PLCXD1: variants seen among roughly 807,000 people sequenced by gnomAD.
PLCXD1 encodes PI-PLC X domain-containing protein 1.
PLCXD1 carries 45 observed loss-of-function variants against 37.8 expected under a neutral mutation model. The ratio of observed to expected loss-of-function variants is 1.19; its 90% confidence interval spans 0.94 to 1.53. PLCXD1 has a LOEUF of 1.53. PLCXD1 is among the 40% of genes most tolerant of loss of function. PLCXD1 has a pLI of 0.00. For missense variants in PLCXD1, 539 were observed against 454.7 expected, an observed-to-expected ratio of 1.19 and a Z score of -1.69; for synonymous variants, 246 against 206.9, an observed-to-expected ratio of 1.19 and a Z score of -1.62.
At chrX:284,375 G>A (rs1174590910) in intron 2 of PLCXD1, 61 bp downstream of exon 2, 19 of 1,595,226 alleles carry the variant, frequency 1.2e-5, no homozygotes, top group Admixed American at 1.2e-4. Flanking sequence ...GGGTGGGGCG[G>A]GAGCTGTGGC....
upstream of PLCXD1, among the ~76,000 whole-genome samples, chrX:280,365 TGCAG>T (rs2069239953): frequency 4.8e-5 from 1 of 20,806 alleles, no homozygotes; most frequent in African/African-American, 2.2e-4. Context: ...AGGGGGGCCG[TGCAG>T]GGGGAAGGGA....
rs370174207 is a variant in PLCXD1 at position 291,538 on chromosome X, C to G, written c.433C>G (p.Pro145Ala). ...AATCTCGGAGTGGCTGGAGCGGCAT[C>G]CACGCGAGGTGGTCATCCTGGCCTG... ...TEISEWLERH[P>A]REVVILACRN... The change falls in exon 5 of 7, where the codon CCA becomes GCA. Residue 145 changes from proline to alanine, a missense_variant. Pro to Ala is a conservative substitution (Grantham distance 27). Transcript: ENST00000381657. 5 of 1,612,806 alleles carry G rather than the reference C, an allele frequency of 3.1e-6. No homozygotes were observed. The highest frequency in any genetic ancestry group is 3.4e-6 in the Non-Finnish European group (4 of 1,179,858).
chrX:295,029 G>C (rs905762237), intron 6 of PLCXD1, among the ~76,000 whole-genome samples: 1 of 151,658 alleles, frequency 6.6e-6, no homozygotes, highest in Non-Finnish European at 1.5e-5. Flanking sequence ...ATTTAGCTGG[G>C]CGTGGTTGTG....
intron 3 of PLCXD1, among the ~76,000 whole-genome samples, chrX:290,334 G>A (rs1463008144): frequency 6.6e-6 from 1 of 151,982 alleles, no homozygotes; most frequent in African/African-American, 2.4e-5. Flanking sequence ...GGAGGCTGAG[G>A]CAGGAGAACG....
At chrX:290,510 A>G in intron 3 of PLCXD1, 138 bp from the exon 4 acceptor site, 1 of 880,260 alleles carries the variant, frequency 1.1e-6, no homozygotes, top group Non-Finnish European at 1.8e-6. Flanking sequence ...CTCCCAGCAC[A>G]TACAAACAGC....
chrX:300,598 A>ATATGTGTG lies in PLCXD1; in HGVS notation c.*1268_*1275dup, dbSNP rs895649619. 2.2e-5 allele frequency: 3 copies of ATATGTGTG among 133,954 alleles called. No homozygotes were observed. The South Asian group carries it at 6.7e-4, about 30-fold the overall frequency. 8.3% of individuals were successfully genotyped at this position (133,954 alleles called of 1,614,324 possible). The stretch of plus-strand genomic sequence containing the variant: ...TACATGTATATGTGTTTATACATGT[A>ATATGTGTG]TATGTGTGTATGCGTGTATACGTGT... On this transcript the variant is annotated 3_prime_UTR_variant, in exon 7 of 7. Transcript: ENST00000381657.
At position 288,757 on chromosome X, in the gene PLCXD1, G is replaced by A; in HGVS notation, c.152G>A (p.Cys51Tyr). 6.2e-7 allele frequency: 1 copy of A among 1,613,896 alleles called. No homozygotes were observed. Among genetic ancestry groups the A allele is most frequent in the Non-Finnish European group, 8.5e-7 (1 of 1,179,802 alleles). Residue 51 changes from cysteine to tyrosine, a missense_variant, in exon 3 of 7, where the codon TGC becomes TAC. Transcript: ENST00000381657. ...GGGAGCCACGACACGATGACGTACTGCCTGAACAAGAAGTCCCCCATTTCG... is the reference window on the plus strand; with the variant it reads ...GGGAGCCACGACACGATGACGTACTACCTGAACAAGAAGTCCCCCATTTCG... Reference protein sequence around the residue: ...IPGSHDTMTYCLNKKSPISHE... With the variant: ...IPGSHDTMTYYLNKKSPISHE...
chrX:293,627 T>C (rs762758521), intron 6 of PLCXD1, among the ~76,000 whole-genome samples: 54 of 152,252 alleles, frequency 3.5e-4, no homozygotes, highest in African/African-American at 1.1e-3. Flanking sequence ...AAGCAGTCCA[T>C]GTACATTGGC....
At chrX:285,546 G>T (rs756961537) in intron 2 of PLCXD1, among the ~76,000 whole-genome samples, 60 of 85,340 alleles carry the variant, frequency 7.0e-4, no homozygotes, top group African/African-American at 2.9e-3. Context: ...CATGCACACA[G>T]ACATACACAT....
Position 300,586 on chromosome X carries a change from GTTTATACA to G in PLCXD1, c.*1253_*1260del, listed in dbSNP as rs1181459619. 1 of 148,978 alleles carries G rather than the reference GTTTATACA, an allele frequency of 6.7e-6. No homozygotes were observed. Among genetic ancestry groups the G allele is most frequent in the African/African-American group, 2.5e-5 (1 of 39,400 alleles). The allele number at this position is 148,978 out of a possible 1,614,324, so 9.2% of individuals were successfully genotyped here. On this transcript the variant is annotated 3_prime_UTR_variant, in exon 7 of 7. Coordinates refer to ENST00000381657, the MANE Select transcript of PLCXD1 (RefSeq NM_018390.4). ...TATGTGTATGTGTACATGTATATGT[GTTTATACA>G]TGTATATGTGTGTATGCGTGTATAC...
chrX:286,999 A>ATG (rs1363301026), intron 2 of PLCXD1, among the ~76,000 whole-genome samples: 1 of 151,528 alleles, frequency 6.6e-6, no homozygotes, highest in East Asian at 2.0e-4. Flanking sequence ...TCCTCAGAGG[A>ATG]TGTAAAGGGG....
intron 2 of PLCXD1, among the ~76,000 whole-genome samples, 184 bp from the exon 3 acceptor site, chrX:288,549 G>A (rs1569564481): frequency 1.3e-5 from 2 of 152,160 alleles, no homozygotes; most frequent in Admixed American, 6.5e-5. Flanking sequence ...GTTTCAACAC[G>A]GGTCGTGTTC....
At chrX:293,960 C>T (rs1212605594) in intron 6 of PLCXD1, among the ~76,000 whole-genome samples, 4 of 152,164 alleles carry the variant, frequency 2.6e-5, no homozygotes, top group African/African-American at 9.7e-5. Flanking sequence ...GTCGGAGTTG[C>T]ACAACGTGAA....
At chrX:296,660 T>G (rs2069818143) in intron 6 of PLCXD1, among the ~76,000 whole-genome samples, 1 of 152,214 alleles carries the variant, frequency 6.6e-6, no homozygotes, top group Admixed American at 6.5e-5. Flanking sequence ...CTGGTCAACG[T>G]CAACCCTCTC....
At chrX:276,749 G>T (rs985676530), upstream of PLCXD1, among the ~76,000 whole-genome samples, 1 of 152,166 alleles carries the variant, frequency 6.6e-6, no homozygotes, top group Non-Finnish European at 1.5e-5. Flanking sequence ...CCCTGCCGCC[G>T]GGGCCTGCGT....
rs1399659311 is a variant in PLCXD1, at chrX:292,859, C to T, written c.550-176C>T. On this transcript the variant is annotated intron_variant, in intron 5 of 6. Transcript: ENST00000381657. ...AACTCCTGACCTCAGGTGATCCACC[C>T]ACCTCGGCCTCCCAAAGTGCTGGGA... Among the ~76,000 whole-genome samples, 5 of 152,050 alleles carry T rather than the reference C, an allele frequency of 3.3e-5. No homozygotes were observed. In the South Asian group the frequency reaches 8.3e-4, roughly 25 times the overall value.
chrX:291,905 C>T (rs752445882), intron 5 of PLCXD1, among the ~76,000 whole-genome samples: 10 of 152,154 alleles, frequency 6.6e-5, no homozygotes, highest in Non-Finnish European at 1.3e-4. Flanking sequence ...CGGTGGCTCA[C>T]GCCTGTCATC....
chrX:285,650 CAT>C (rs1371524800), intron 2 of PLCXD1, among the ~76,000 whole-genome samples: 12 of 152,210 alleles, frequency 7.9e-5, no homozygotes, highest in African/African-American at 2.4e-4. Context: ...CGTGTACACA[CAT>C]GCACACACGT....
intron 3 of PLCXD1, among the ~76,000 whole-genome samples, 160 bp downstream of exon 3, chrX:289,029 A>G (rs2069545145): frequency 6.6e-6 from 1 of 152,170 alleles, no homozygotes; most frequent in Admixed American, 6.5e-5. Context: ...GGATTAAAAC[A>G]AAACCTGCTG....
Sources: gnomAD v4.1 joint callset for allele counts (sites outside exome capture counted in the v4.1 genomes callset) on GRCh38, gnomAD v4.1.1 for gene constraint, MANE v1.5 for transcripts, NCBI Gene and HGNC (gene_info 2026-07-23, HGNC 2026-07-21) for gene names.